ARHGAP44: variants seen among roughly 807,000 people sequenced by gnomAD.
The protein encoded by ARHGAP44 is Rho GTPase activating protein 44.
In ARHGAP44, 43 loss-of-function variants were observed where a neutral mutation model predicts 106.8. The observed-to-expected ratio is 0.40, with a 90% CI of 0.32 to 0.52. ARHGAP44 has a LOEUF of 0.52. Among genes scored for constraint, ARHGAP44 ranks in the 20% least tolerant of loss-of-function variants. The pLI is 0.48. For missense variants in ARHGAP44, 866 were observed against 1,050.5 expected, an observed-to-expected ratio of 0.82 and a Z score of 2.43; for synonymous variants, 439 against 410.3, an observed-to-expected ratio of 1.07 and a Z score of -0.85.
rs375830196 is a variant in ARHGAP44 at position 12,972,015 on chromosome 17, C to T, written c.1524-1287C>T. Reference sequence around the variant, plus strand: ...GTTATTAAATCTTGCTGTACCTCTACAAGGTAAATATGACCTTTCTAGGTG... The same window carrying T: ...GTTATTAAATCTTGCTGTACCTCTATAAGGTAAATATGACCTTTCTAGGTG... On this transcript the variant is annotated intron_variant, in intron 16 of 20. Transcript: ENST00000379672. 1.1e-3 allele frequency among the ~76,000 whole-genome samples: 171 copies of T among 152,268 alleles called. 4 individuals are homozygous for T. The South Asian group carries it at 0.034, about 30-fold the overall frequency.
At chr17:12,824,549 C>G (rs2034864397) in intron 1 of ARHGAP44, among the ~76,000 whole-genome samples, 1 of 152,048 alleles carries the variant, frequency 6.6e-6, no homozygotes, top group Non-Finnish European at 1.5e-5. Flanking sequence ...AGTTGGAAAC[C>G]TCGACCCTAC....
chr17:12,920,744 G>A (rs956147240), intron 6 of ARHGAP44, among the ~76,000 whole-genome samples: 2 of 152,170 alleles, frequency 1.3e-5, no homozygotes, highest in Non-Finnish European at 2.9e-5. Flanking sequence ...TGATGGTGTA[G>A]GTGTCTGCTT....
chr17:12,949,829 G>A lies in ARHGAP44; in HGVS notation c.1055+99G>A, dbSNP rs1456216844. The A allele has an allele frequency of 6.7e-6, 8 of 1,196,836 alleles. No homozygotes were observed. In the East Asian group the frequency reaches 7.1e-5, roughly 11 times the overall value. The allele number at this position is 1,196,836 out of a possible 1,614,324, so 74.1% of individuals were successfully genotyped here. A position where few individuals can be genotyped will look rare whatever the true frequency, so the allele number is the denominator to read the frequency against. On this transcript the variant is annotated intron_variant, in intron 12 of 20. Transcript: ENST00000379672. This position sits in a 1 kb window ranked among gnomAD's most constrained non-coding sequence, Gnocchi z 4.1. ...ATGTAACCTATGATCTCGCAACCCC[G>A]TTTCTTGATCTCTGCCATGAAGGAG...
intron 1 of ARHGAP44, among the ~76,000 whole-genome samples, chr17:12,855,577 G>A (rs2035883615): frequency 6.6e-6 from 1 of 151,144 alleles, no homozygotes; most frequent in Admixed American, 6.6e-5. Context: ...TTCTGGGTGG[G>A]TGGTCAGAGT....
chr17:12,907,462 G>C (rs2037588889), intron 3 of ARHGAP44, among the ~76,000 whole-genome samples: 1 of 152,126 alleles, frequency 6.6e-6, no homozygotes, highest in Non-Finnish European at 1.5e-5. Flanking sequence ...TACCCATTAA[G>C]CAGTCCTTCC....
At chr17:12,956,987 T>C (rs554263109) in intron 15 of ARHGAP44, among the ~76,000 whole-genome samples, 1 of 152,298 alleles carries the variant, frequency 6.6e-6, no homozygotes, top group South Asian at 2.1e-4. Flanking sequence ...GTTTTGCTCT[T>C]GTTGCCCAGG....
intron 1 of ARHGAP44, among the ~76,000 whole-genome samples, chr17:12,795,106 G>A (rs922061895): frequency 1.3e-5 from 2 of 152,124 alleles, no homozygotes; most frequent in Non-Finnish European, 2.9e-5. Flanking sequence ...GCCCTGCCAT[G>A]GGCTTCCTGT....
intron 1 of ARHGAP44, among the ~76,000 whole-genome samples, chr17:12,855,067 CT>C (rs1383814369): frequency 2.7e-5 from 4 of 150,522 alleles, no homozygotes; most frequent in Non-Finnish European, 4.4e-5. Context: ...TTTAGGATTA[CT>C]TTAGGTGTTC....
At chr17:12,803,133 C>T (rs972353077) in intron 1 of ARHGAP44, among the ~76,000 whole-genome samples, 3 of 150,628 alleles carry the variant, frequency 2.0e-5, no homozygotes, top group Non-Finnish European at 4.4e-5. Flanking sequence ...CCACCAGGCG[C>T]CTGTATTTTT....
At chr17:12,956,268 C>T (rs2039124526) in intron 14 of ARHGAP44, among the ~76,000 whole-genome samples, 1 of 152,074 alleles carries the variant, frequency 6.6e-6, no homozygotes, top group African/African-American at 2.4e-5. Context: ...CATGGTGGCA[C>T]AGGTCAGGCA....
chr17:12,847,019 C>T (rs2035588202), intron 1 of ARHGAP44, among the ~76,000 whole-genome samples: 1 of 152,194 alleles, frequency 6.6e-6, no homozygotes, highest in Non-Finnish European at 1.5e-5. Flanking sequence ...GTTGAAGTGG[C>T]AGCTTGGGTT....
intron 1 of ARHGAP44, among the ~76,000 whole-genome samples, chr17:12,799,730 A>G (rs1011479610): frequency 6.6e-6 from 1 of 152,112 alleles, no homozygotes; most frequent in Non-Finnish European, 1.5e-5. Context: ...CCCGGGTTCA[A>G]GTGATTCTTC....
intron 19 of ARHGAP44, among the ~76,000 whole-genome samples, chr17:12,982,391 C>T (rs1001160776): frequency 6.6e-6 from 1 of 152,070 alleles, no homozygotes. Flanking sequence ...CTGTCACCAC[C>T]GGAAGTGGTA....
chr17:12,943,848 C>T (rs955282695), intron 9 of ARHGAP44, among the ~76,000 whole-genome samples, 179 bp downstream of exon 9: 7 of 152,112 alleles, frequency 4.6e-5, no homozygotes, highest in Admixed American at 4.6e-4. Context: ...TAGGGGTGCC[C>T]ATAGAACATT....
intron 16 of ARHGAP44, among the ~76,000 whole-genome samples, chr17:12,961,266 A>T (rs2039254191): frequency 6.6e-6 from 1 of 152,362 alleles, no homozygotes; most frequent in African/African-American, 2.4e-5. Context: ...TATCTTGAGC[A>T]GATACCTTAT....
At chr17:12,859,407 G>T (rs2036002619) in intron 1 of ARHGAP44, among the ~76,000 whole-genome samples, 3 of 152,200 alleles carry the variant, frequency 2.0e-5, no homozygotes, top group Admixed American at 2.0e-4. Context: ...AACTAATACA[G>T]GAGCCTTTTA....
At chr17:12,935,009 G>T (rs1213215476) in intron 7 of ARHGAP44, among the ~76,000 whole-genome samples, 3 of 152,120 alleles carry the variant, frequency 2.0e-5, no homozygotes, top group African/African-American at 7.2e-5. Flanking sequence ...GAAGTTGCCT[G>T]CAGGCATCCT....
chr17:12,790,008 GCA>G (rs984780413), intron 1 of ARHGAP44, 117 bp downstream of exon 1: 10 of 986,244 alleles, frequency 1.0e-5, no homozygotes, highest in Non-Finnish European at 1.4e-5. Context: ...CCTTTCCCCT[GCA>G]CCAGCTCCCT....
intron 18 of ARHGAP44, 145 bp downstream of exon 18, chr17:12,974,455 C>T (rs2143340997): frequency 1.4e-6 from 1 of 692,176 alleles, no homozygotes; most frequent in South Asian, 3.0e-5. Context: ...TTCTGCGTCG[C>T]GCTGGCACCA....
Sources: gnomAD v4.1 joint callset for allele counts (sites outside exome capture counted in the v4.1 genomes callset) on GRCh38, gnomAD v4.1.1 for gene constraint, Gnocchi (gnomAD v3.1) non-coding constraint, MANE v1.5 for transcripts, NCBI Gene and HGNC (gene_info 2026-07-23, HGNC 2026-07-21) for gene names.